DPP10: variants seen among roughly 807,000 people sequenced by gnomAD.
DPP10 encodes the protein dipeptidyl peptidase like 10, also known as inactive dipeptidyl peptidase 10.
In DPP10, 33 loss-of-function variants were observed where a neutral mutation model predicts 120.9. That is an observed-to-expected ratio of 0.27 (90% CI 0.21 to 0.37). DPP10 has a LOEUF of 0.37. Ranked by LOEUF, DPP10 falls within the 10% of genes least tolerant of loss-of-function variation. The probability of loss-of-function intolerance (pLI) is 1.00; values close to 1 mark genes in which losing one functional copy is unlikely to be tolerated. For missense variants in DPP10, 816 were observed against 942.8 expected (o/e 0.87, Z 1.76); for synonymous variants, 337 against 326.1 (o/e 1.03, Z -0.36).
At chr2:114,947,062 G>A (rs1016699264) in intron 1 of DPP10, among the ~76,000 whole-genome samples, 8 of 151,928 alleles carry the variant, frequency 5.3e-5, no homozygotes, top group East Asian at 1.9e-4. Flanking sequence ...ACGTTCAAAC[G>A]TATTGCATGG....
At position 115,409,176 on chromosome 2, in the gene DPP10, C is replaced by T. The variant is rs566343645; in HGVS notation, c.271+65264C>T. Among the ~76,000 whole-genome samples the T allele has an allele frequency of 2.2e-3, 334 of 152,134 alleles. 2 individuals are homozygous for T. Among genetic ancestry groups the T allele is most frequent in the African/African-American group, 7.3e-3 (304 of 41,534 alleles). Reference sequence around the variant, plus strand: ...GAAATTTATAATGTAGGACTATAAACGGAACATTATGAACTACTTTATTCC... The same window carrying T: ...GAAATTTATAATGTAGGACTATAAATGGAACATTATGAACTACTTTATTCC... On this transcript the variant is annotated intron_variant, in intron 3 of 25. Coordinates refer to ENST00000410059, the MANE Select transcript of DPP10 (RefSeq NM_020868.6).
At chr2:115,052,232 G>T (rs544711106) in intron 1 of DPP10, among the ~76,000 whole-genome samples, 22 of 152,170 alleles carry the variant, frequency 1.4e-4, no homozygotes, top group Admixed American at 2.6e-4. Context: ...ACTCTGAAAA[G>T]AAAATATACG....
At chr2:114,992,563 A>G (rs1287900253) in intron 1 of DPP10, among the ~76,000 whole-genome samples, 1 of 152,164 alleles carries the variant, frequency 6.6e-6, no homozygotes, top group Non-Finnish European at 1.5e-5. Context: ...GTTGTTTGCA[A>G]CCAAAGAACC....
intron 1 of DPP10, among the ~76,000 whole-genome samples, chr2:114,958,435 G>A (rs574782620): frequency 2.0e-5 from 3 of 152,264 alleles, no homozygotes; most frequent in Non-Finnish European, 2.9e-5. Flanking sequence ...TTTCAGCTGG[G>A]CAGGAGGACT....
chr2:114,969,233 G>T (rs193052822), intron 1 of DPP10, among the ~76,000 whole-genome samples: 5 of 152,234 alleles, frequency 3.3e-5, no homozygotes, highest in Admixed American at 2.0e-4. Context: ...AATTATTACA[G>T]TAAATGTGTG....
At chr2:114,704,329 A>G (rs769887639) in intron 1 of DPP10, among the ~76,000 whole-genome samples, 11 of 152,122 alleles carry the variant, frequency 7.2e-5, no homozygotes, top group Admixed American at 6.6e-5. Context: ...TCTGATAGTG[A>G]AGTAAGGAGA....
rs1360095308 is a variant in DPP10, at chr2:114,993,578, GTGTATATA to G, written c.61-315659_61-315652del. On this transcript the variant is annotated intron_variant, in intron 1 of 25. Transcript: ENST00000410059. The stretch of plus-strand genomic sequence containing the variant: ...GGATTCTTATTATGTGTGTGTGTGT[GTGTATATA>G]TATATATATATATATATATATGAAT... Among the ~76,000 whole-genome samples, 29 of 89,220 alleles carry G rather than the reference GTGTATATA, an allele frequency of 3.3e-4. 1 individual carries two copies. Among genetic ancestry groups the G allele is most frequent in the African/African-American group, 8.7e-4 (23 of 26,288 alleles). The allele number at this position is 89,220 out of a possible 152,430, so 58.5% of individuals were successfully genotyped here. A position where few individuals can be genotyped will look rare whatever the true frequency, so the allele number is the denominator to read the frequency against.
intron 8 of DPP10, among the ~76,000 whole-genome samples, chr2:115,733,280 T>G (rs1293843712): frequency 6.6e-6 from 1 of 152,184 alleles, no homozygotes; most frequent in Non-Finnish European, 1.5e-5. Flanking sequence ...GAAATTGCAT[T>G]CATTTCATCA....
At chr2:114,490,777 T>A (rs1391255532) in intron 1 of DPP10, among the ~76,000 whole-genome samples, 3 of 151,472 alleles carry the variant, frequency 2.0e-5, no homozygotes, top group Non-Finnish European at 4.4e-5. Context: ...TAATCCATGA[T>A]GTATATATGG....
intron 1 of DPP10, among the ~76,000 whole-genome samples, chr2:115,126,425 T>C (rs535748382): frequency 3.4e-4 from 52 of 152,298 alleles, no homozygotes; most frequent in African/African-American, 1.2e-3. Flanking sequence ...TTTTGTATTT[T>C]CTATTCTTGA....
intron 5 of DPP10, among the ~76,000 whole-genome samples, chr2:115,545,584 AGAGACTTGGTGTGGTAG>A (rs2079451557): frequency 1.3e-5 from 2 of 152,254 alleles, no homozygotes; most frequent in African/African-American, 2.4e-5. Flanking sequence ...CACAACAGTG[AGAGACTTGGTGTGGTAG>A]GAGAGTTGGG....
At chr2:115,259,585 C>A (rs2059159187) in intron 1 of DPP10, among the ~76,000 whole-genome samples, 1 of 151,964 alleles carries the variant, frequency 6.6e-6, no homozygotes, top group Non-Finnish European at 1.5e-5. Context: ...CCTAGAAAAC[C>A]ATTTACTTAT....
rs150705132 is a variant in DPP10 at position 114,553,405 on chromosome 2, G to A, written c.60+110567G>A. Among the ~76,000 whole-genome samples the A allele has an allele frequency of 2.6e-4, 39 of 152,312 alleles. No homozygotes were observed. The East Asian group carries it at 7.1e-3, about 28-fold the overall frequency. The stretch of plus-strand genomic sequence containing the variant: ...TACCACAGTCTGTTCCCGGGTAGGT[G>A]GGAAAGTTGAAGATGATAGATTTCC... On this transcript the variant is annotated intron_variant, in intron 1 of 25. Transcript: ENST00000410059.
At chr2:115,701,178 T>A (rs1309954870) in intron 7 of DPP10, among the ~76,000 whole-genome samples, 1 of 152,072 alleles carries the variant, frequency 6.6e-6, no homozygotes, top group South Asian at 2.1e-4. Context: ...ACACTACTGA[T>A]TCAAAACTTA....
chr2:115,771,404 C>G (rs1400916450), intron 13 of DPP10, among the ~76,000 whole-genome samples: 3 of 150,302 alleles, frequency 2.0e-5, no homozygotes, highest in African/African-American at 7.3e-5. Flanking sequence ...CAAGTTTATT[C>G]ATCATTAAAG....
At position 114,730,893 on chromosome 2, in the gene DPP10, CTTTT is replaced by C. The variant is rs538525964; in HGVS notation, c.60+288062_60+288065del. ...GCCTGAGCAACTGCACCTGGTCCAG[CTTTT>C]TTTTTTCTTTTTTTTTTTTTTAAAC... On this transcript the variant is annotated intron_variant, in intron 1 of 25. Transcript: ENST00000410059. 5.8e-3 allele frequency among the ~76,000 whole-genome samples: 861 copies of C among 147,720 alleles called. 7 individuals are homozygous for C. Among genetic ancestry groups the C allele is most frequent in the African/African-American group, 0.021 (832 of 40,320 alleles).
At chr2:114,772,379 C>T (rs1420678262) in intron 1 of DPP10, among the ~76,000 whole-genome samples, 2 of 151,952 alleles carry the variant, frequency 1.3e-5, no homozygotes, top group Non-Finnish European at 2.9e-5. Context: ...AGGCTGGTCT[C>T]GAACTCCTGA....
chr2:114,645,076 T>A (rs777789713), intron 1 of DPP10, among the ~76,000 whole-genome samples: 5 of 152,036 alleles, frequency 3.3e-5, no homozygotes, highest in South Asian at 4.1e-4. Context: ...ATTTAGCAAG[T>A]ATTGTAAGTG....
rs527717569 is a variant in DPP10, at chr2:115,791,172, C to G, written c.1623C>G (p.Asp541Glu). Reference protein sequence around the residue: ...GKPEIKILHIDDYELPLQLSL... With the variant: ...GKPEIKILHIEDYELPLQLSL... ...CAGAAATTAAAATCCTTCATATTGA[C>G]GACTATGGTAAAATTTTGTGCATGC... Residue 541 changes from aspartate (D) to glutamate (E), a missense_variant, in exon 18 of 26, where the codon GAC (aspartate) becomes GAG (glutamate). By Grantham distance (45) the Asp-to-Glu change is conservative. Coordinates refer to ENST00000410059, the MANE Select transcript of DPP10 (RefSeq NM_020868.6). 1 of 1,613,034 alleles carries G rather than the reference C, an allele frequency of 6.2e-7. No individual in the cohort carries two copies. Among genetic ancestry groups the G allele is most frequent in the South Asian group, 1.1e-5 (1 of 90,998 alleles).
Sources: allele counts gnomAD v4.1 joint callset (sites outside exome capture counted in the v4.1 genomes callset), GRCh38; gene constraint gnomAD v4.1.1; transcripts MANE v1.5; gene names NCBI Gene and HGNC (gene_info 2026-07-23, HGNC 2026-07-21).